HIC2: variants seen among roughly 807,000 people sequenced by gnomAD.
HIC2 encodes the protein hypermethylated in cancer 2 protein.
A neutral mutation model predicts 39.5 loss-of-function variants in HIC2; 2 were observed. The observed-to-expected ratio is 0.05, with a 90% confidence interval of 0.02 to 0.16. The LOEUF is 0.16. Ranked by LOEUF, HIC2 falls within the 10% of genes least tolerant of loss-of-function variation. HIC2 has a pLI of 1.00. For synonymous variants in HIC2, 399 were observed against 368.8 expected (o/e 1.08, Z -0.94); for missense variants, 713 against 863.5 (o/e 0.83, Z 2.18).
intron 1 of HIC2, among the ~76,000 whole-genome samples, chr22:21,438,441 ACCT>A (rs1227553123): frequency 1.4e-5 from 2 of 143,148 alleles, no homozygotes; most frequent in African/African-American, 2.8e-5. Flanking sequence ...TGATCTGAAA[ACCT>A]CCTCTCTCCT....
intron 1 of HIC2, among the ~76,000 whole-genome samples, chr22:21,438,101 C>G (rs1601328913): frequency 6.6e-6 from 1 of 151,690 alleles, no homozygotes; most frequent in Non-Finnish European, 1.5e-5. Context: ...GGGGTGGCGC[C>G]CTTTCCTGGT....
intron 2 of HIC2, 79 bp from the exon 3 acceptor site, chr22:21,444,843 G>A (rs183419647): frequency 2.5e-5 from 37 of 1,507,236 alleles, no homozygotes; most frequent in East Asian, 6.8e-5. Context: ...CCTTTGCCTC[G>A]TCGAGCCCCA....
Position 21,446,411 on chromosome 22 carries a change from A to G in HIC2, c.1516A>G (p.Lys506Glu). The G allele has an allele frequency of 1.2e-6, 2 of 1,612,072 alleles. No individual in the cohort carries two copies. The highest frequency in any genetic ancestry group is 2.2e-5 in the South Asian group (2 of 91,080). Reference sequence around the variant, plus strand: ...CTACACGGCTGAGCCCCGGCCCTTCAAGTGTTCGGTCTGCGAGAAGACCTA... The same window carrying G: ...CTACACGGCTGAGCCCCGGCCCTTCGAGTGTTCGGTCTGCGAGAAGACCTA... Reference protein sequence around the residue: ...AAYTAEPRPFKCSVCEKTYKD... With the variant: ...AAYTAEPRPFECSVCEKTYKD... Residue 506 changes from lysine (K) to glutamate (E), a missense_variant, in exon 3 of 3, where the codon AAG becomes GAG. Physicochemically the swap from Lys to Glu is moderately conservative, Grantham distance 56. Around this residue, in one of 5 missense-constraint regions of HIC2, gnomAD observed 103 missense variants for 103.4 expected, o/e 1.00. Coordinates refer to ENST00000407464, the MANE Select transcript of HIC2 (RefSeq NM_015094.3).
Position 21,446,140 on chromosome 22 carries a change from G to A in HIC2, c.1245G>A (p.Glu415=). 1 of 1,608,438 alleles carries A rather than the reference G, an allele frequency of 6.2e-7. No homozygotes were observed. The change falls in exon 3 of 3, where the codon GAG becomes GAA. Residue 415 remains glutamate (E), a synonymous_variant. Transcript: ENST00000407464. Reference sequence around the variant, plus strand: ...AAGACAGTGCGCAGAGCGGGAGCGAGGGGGGCAGCGGCCATGCCAGCGCCC... The same window carrying A: ...AAGACAGTGCGCAGAGCGGGAGCGAAGGGGGCAGCGGCCATGCCAGCGCCC... The part of the protein sequence containing the change: ...ASEDSAQSGS[E]GGSGHASAHY...
Position 21,447,038 on chromosome 22 carries a change from G to T in HIC2, c.*295G>T. ...GGCTGGGTCACGTGGGTCTCGCTGG[G>T]ACCTGGTCCCTTTGTTGCAGGCGGC... On this transcript the variant is annotated 3_prime_UTR_variant, in exon 3 of 3. Coordinates refer to ENST00000407464, the MANE Select transcript of HIC2 (RefSeq NM_015094.3). The T allele has an allele frequency of 2.4e-6, 1 of 421,206 alleles. No homozygotes were observed. Among genetic ancestry groups the T allele is most frequent in the Non-Finnish European group, 4.3e-6 (1 of 234,630 alleles). The allele number at this position is 421,206 out of a possible 1,614,324, so 26.1% of individuals were successfully genotyped here.
chr22:21,425,548 T>C lies in HIC2; in HGVS notation c.-74+7988T>C, dbSNP rs1031974569. The stretch of plus-strand genomic sequence containing the variant: ...CACGCCTGGTTAATTTTTTCTTTTT[T>C]TTTTTTTTTTTGAGACGGAGTCTTG... On this transcript the variant is annotated intron_variant, in intron 1 of 2. Transcript: ENST00000407464. 8.9e-5 allele frequency among the ~76,000 whole-genome samples: 5 copies of C among 55,902 alleles called. 1 individual carries two copies. Among genetic ancestry groups the C allele is most frequent in the Admixed American group, 2.7e-4 (2 of 7,502 alleles). The allele number at this position is 55,902 out of a possible 152,430, so 36.7% of individuals were successfully genotyped here.
intron 1 of HIC2, among the ~76,000 whole-genome samples, chr22:21,430,937 G>C (rs1228300142): frequency 1.5e-4 from 11 of 71,790 alleles, no homozygotes; most frequent in Admixed American, 3.3e-4. Context: ...AGAATAGAGA[G>C]ATAAGTAGTG....
Position 21,449,083 on chromosome 22 carries a change from ACATAGTATTGTATCCAC to A in HIC2, c.*2342_*2358del, listed in dbSNP as rs1924023413. ...CCCCTCACTCAACGACGTTTGTGCG[ACATAGTATTGTATCCAC>A]CTTAGTATTGTATCGAGCCTTTTCT... On this transcript the variant is annotated 3_prime_UTR_variant, in exon 3 of 3. Coordinates refer to ENST00000407464, the MANE Select transcript of HIC2 (RefSeq NM_015094.3). 6.5e-6 allele frequency: 1 copy of A among 152,786 alleles called. No homozygotes were observed. The highest frequency in any genetic ancestry group is 2.4e-5 in the African/African-American group (1 of 41,586). The allele number at this position is 152,786 out of a possible 1,614,324, so 9.5% of individuals were successfully genotyped here.
At position 21,446,695 on chromosome 22, in the gene HIC2, G is replaced by T; in HGVS notation, c.1800G>T (p.Gln600His). Reference sequence around the variant, plus strand: ...AGCTGTGCGGGGGCAAGTTCACCCAGCAGCGCAACCTCATCAGCCACCTGC... The same window carrying T: ...AGCTGTGCGGGGGCAAGTTCACCCATCAGCGCAACCTCATCAGCCACCTGC... ...ECQLCGGKFT[Q>H]QRNLISHLRM... The change falls in exon 3 of 3, where the codon CAG (glutamine) becomes CAT (histidine). Residue 600 changes from glutamine (Q) to histidine (H), a missense_variant. This residue lies in a region of HIC2 where 40 missense variants were observed against 124.4 expected (regional missense o/e 0.32). Transcript: ENST00000407464. The T allele has an allele frequency of 6.2e-7, 1 of 1,613,370 alleles. No individual in the cohort carries two copies. Among genetic ancestry groups the T allele is most frequent in the Non-Finnish European group, 8.5e-7 (1 of 1,179,544 alleles).
In HIC2 at chr22:21,446,633, A is replaced by G; in HGVS notation, c.1738A>G (p.Met580Val). The change falls in exon 3 of 3, where the codon ATG becomes GTG. Residue 580 changes from methionine (M) to valine (V), a missense_variant. Met to Val is a conservative substitution (Grantham distance 21, BLOSUM62 1). This residue lies in a region of HIC2 where 40 missense variants were observed against 124.4 expected (regional missense o/e 0.32). Transcript: ENST00000407464. Reference sequence around the variant, plus strand: ...CCGTCAGTACCGCCTCACGGAGCACATGCGTGTGCACTCGGGCGAGAAACC... The same window carrying G: ...CCGTCAGTACCGCCTCACGGAGCACGTGCGTGTGCACTCGGGCGAGAAACC... ...FTRQYRLTEH[M>V]RVHSGEKPYE... The G allele has an allele frequency of 6.2e-7, 1 of 1,613,842 alleles. No individual in the cohort carries two copies. The highest frequency in any genetic ancestry group is 8.5e-7 in the Non-Finnish European group (1 of 1,180,016).
Position 21,445,925 on chromosome 22 carries a change from C to T in HIC2, c.1030C>T (p.Pro344Ser). The stretch of plus-strand genomic sequence containing the variant: ...GAAGAAGGAGTGGGGCAAGAAGGAG[C>T]CTGTGGCTGGCTCCCCCTTTGAGCG... ...TRKKEWGKKE[P>S]VAGSPFERRE... The change falls in exon 3 of 3, where the codon CCT becomes TCT. Residue 344 changes from proline to serine, a missense_variant. Coordinates refer to ENST00000407464, the MANE Select transcript of HIC2 (RefSeq NM_015094.3). 6.3e-7 allele frequency: 1 copy of T among 1,590,538 alleles called. No homozygotes were observed. Among genetic ancestry groups the T allele is most frequent in the Non-Finnish European group, 8.5e-7 (1 of 1,170,148 alleles).
In HIC2 at chr22:21,448,278, TA is replaced by T. The variant is rs1361017574; in HGVS notation, c.*1537del. The T allele has an allele frequency of 1.3e-5, 2 of 152,642 alleles. No individual in the cohort carries two copies. The highest frequency in any genetic ancestry group is 4.8e-5 in the African/African-American group (2 of 41,428). 9.5% of individuals were successfully genotyped at this position (152,642 alleles called of 1,614,324 possible). On this transcript the variant is annotated 3_prime_UTR_variant, in exon 3 of 3. Coordinates refer to ENST00000407464, the MANE Select transcript of HIC2 (RefSeq NM_015094.3). ...CTATCCTCCATTCCTGCAAGAGTTT[TA>T]AGCTTGAGAGAGCTGACCACAGGGC...
chr22:21,447,392 C>T lies in HIC2; in HGVS notation c.*649C>T, dbSNP rs928164258. The T allele has an allele frequency of 1.3e-5, 2 of 152,812 alleles. No individual in the cohort carries two copies. Among genetic ancestry groups the T allele is most frequent in the African/African-American group, 4.8e-5 (2 of 41,448 alleles). 9.5% of individuals were successfully genotyped at this position (152,812 alleles called of 1,614,324 possible). ...TTTTTGTTTTTTAAACCAAAACAGA[C>T]AATAGCTTATTTTCTTTCCGCCCCC... On this transcript the variant is annotated 3_prime_UTR_variant, in exon 3 of 3. Transcript: ENST00000407464.
intron 2 of HIC2, among the ~76,000 whole-genome samples, chr22:21,444,551 G>C (rs1568942833): frequency 6.6e-6 from 1 of 152,042 alleles, no homozygotes; most frequent in Non-Finnish European, 1.5e-5. Flanking sequence ...GTCATTTTTG[G>C]GTCCCCTTCT....
intron 1 of HIC2, among the ~76,000 whole-genome samples, chr22:21,418,170 CCT>C (rs1290044520): frequency 1.7e-5 from 2 of 119,274 alleles, no homozygotes; most frequent in East Asian, 8.5e-4. Flanking sequence ...TGCCCCCAGA[CCT>C]CTCCTGTAGG....
At position 21,448,464 on chromosome 22, in the gene HIC2, A is replaced by G. The variant is rs1318490192; in HGVS notation, c.*1721A>G. ...AGGTCAGACCAAGGTTGCTGATCTC[A>G]GTCCCACTGTCTTCAGCCAGCTGAA... On this transcript the variant is annotated 3_prime_UTR_variant, in exon 3 of 3. Transcript: ENST00000407464. The G allele has an allele frequency of 6.5e-6, 1 of 152,750 alleles. No homozygotes were observed. The highest frequency in any genetic ancestry group is 1.5e-5 in the Non-Finnish European group (1 of 68,030). The allele number at this position is 152,750 out of a possible 1,614,324, so 9.5% of individuals were successfully genotyped here. A position where few individuals can be genotyped will look rare whatever the true frequency, so the allele number is the denominator to read the frequency against.
rs976416852 is a variant in HIC2, at chr22:21,447,099, G to A, written c.*356G>A. 1.1e-5 allele frequency: 3 copies of A among 279,090 alleles called. No homozygotes were observed. In the Admixed American group the frequency reaches 1.5e-4, roughly 14 times the overall value. 17.3% of individuals were successfully genotyped at this position (279,090 alleles called of 1,614,324 possible). A position where few individuals can be genotyped will look rare whatever the true frequency, so the allele number is the denominator to read the frequency against. On this transcript the variant is annotated 3_prime_UTR_variant, in exon 3 of 3. Transcript: ENST00000407464. ...GGCAGTGGGACGCTGGCCACGGCCA[G>A]GGTGGTGTCGGGAGCAGGCCTCACC...
chr22:21,445,829 G>A lies in HIC2; in HGVS notation c.934G>A (p.Glu312Lys), dbSNP rs1489144620. 6 of 1,588,302 alleles carry A rather than the reference G, an allele frequency of 3.8e-6. No individual in the cohort carries two copies. Among genetic ancestry groups the A allele is most frequent in the South Asian group, 2.3e-5 (2 of 88,208 alleles). The change falls in exon 3 of 3, where the codon GAG (glutamate) becomes AAG (lysine). Residue 312 changes from glutamate to lysine, a missense_variant. Physicochemically the swap from Glu to Lys is moderately conservative, Grantham distance 56. Coordinates refer to ENST00000407464, the MANE Select transcript of HIC2 (RefSeq NM_015094.3). ...TGAGCCCATGGATCTGGAGGGGGCC[G>A]AGGACAACCACCTGAGCCTGCTGGA... ...PDEPMDLEGA[E>K]DNHLSLLEAP... is the part of the protein sequence containing the mutation.
chr22:21,445,735 G>A lies in HIC2; in HGVS notation c.840G>A (p.Ser280=), dbSNP rs200094983. ...AAQLSDSQHG[S]PPAASAPPVA... Reference sequence around the variant, plus strand: ...AGCTGAGCGACAGCCAACATGGCTCGCCCCCTGCGGCCTCTGCTCCTCCCG... The same window carrying A: ...AGCTGAGCGACAGCCAACATGGCTCACCCCCTGCGGCCTCTGCTCCTCCCG... The change falls in exon 3 of 3, where the codon TCG becomes TCA. Residue 280 remains serine (S), a synonymous_variant. Coordinates refer to ENST00000407464, the MANE Select transcript of HIC2 (RefSeq NM_015094.3). 104 of 1,610,242 alleles carry A rather than the reference G, an allele frequency of 6.5e-5. No homozygotes were observed. Among genetic ancestry groups the A allele is most frequent in the Middle Eastern group, 1.7e-4 (1 of 6,056 alleles).
Sources: allele counts gnomAD v4.1 joint callset (sites outside exome capture counted in the v4.1 genomes callset), GRCh38; gene constraint gnomAD v4.1.1; regional missense constraint gnomAD v4.1.1; transcripts MANE v1.5; gene names NCBI Gene and HGNC (gene_info 2026-07-23, HGNC 2026-07-21).